TRPC4: variants seen among roughly 807,000 people sequenced by gnomAD.
TRPC4 encodes the protein transient receptor potential cation channel subfamily C member 4.
A neutral mutation model predicts 99.4 loss-of-function variants in TRPC4; 49 were observed. That is an observed-to-expected ratio of 0.49 (90% CI 0.39 to 0.63). The LOEUF is 0.63. Among genes scored for constraint, TRPC4 ranks in the 20% least tolerant of loss-of-function variants. TRPC4 has a pLI of 0.00. For synonymous variants in TRPC4, 454 were observed against 425.9 expected, an observed-to-expected ratio of 1.07 and a Z score of -0.81; for missense variants, 898 against 1,152.9, an observed-to-expected ratio of 0.78 and a Z score of 3.20.
At chr13:37,800,698 C>T (rs1303744266) in intron 1 of TRPC4, among the ~76,000 whole-genome samples, 2 of 151,722 alleles carry the variant, frequency 1.3e-5, no homozygotes, top group South Asian at 2.1e-4. Flanking sequence ...TGCATTTTTA[C>T]CAATCACCAA....
chr13:37,772,891 A>C (rs1593708089), intron 2 of TRPC4, among the ~76,000 whole-genome samples: 1 of 151,636 alleles, frequency 6.6e-6, no homozygotes, highest in African/African-American at 2.4e-5. Flanking sequence ...GCTTGACATT[A>C]AATCTCCTAC....
chr13:37,734,980 A>G (rs142360119), intron 3 of TRPC4, among the ~76,000 whole-genome samples: 12 of 152,236 alleles, frequency 7.9e-5, no homozygotes, highest in Admixed American at 2.6e-4. Flanking sequence ...GGTGTGAAAC[A>G]AAAACCACAG....
intron 3 of TRPC4, among the ~76,000 whole-genome samples, chr13:37,700,716 G>A (rs1234835902): frequency 6.6e-6 from 1 of 152,102 alleles, no homozygotes. Flanking sequence ...TGATATCACA[G>A]AATGGAGTTG....
At chr13:37,705,932 A>G (rs977023396) in intron 3 of TRPC4, among the ~76,000 whole-genome samples, 3 of 141,456 alleles carry the variant, frequency 2.1e-5, no homozygotes, top group African/African-American at 8.1e-5. Flanking sequence ...GGAATTAACC[A>G]TCTCCTGATT....
chr13:37,780,662 A>G (rs1956813898), intron 2 of TRPC4, among the ~76,000 whole-genome samples: 1 of 152,138 alleles, frequency 6.6e-6, no homozygotes, highest in South Asian at 2.1e-4. Flanking sequence ...GAAAATCACA[A>G]ATAAACAGCC....
chr13:37,763,042 A>C (rs2139248815), intron 2 of TRPC4, among the ~76,000 whole-genome samples: 1 of 151,658 alleles, frequency 6.6e-6, no homozygotes, highest in Middle Eastern at 3.4e-3. Flanking sequence ...CAAGGGTAAA[A>C]TTTGGCCTTG....
At chr13:37,764,034 A>ACAT (rs1312152475) in intron 2 of TRPC4, among the ~76,000 whole-genome samples, 1 of 151,690 alleles carries the variant, frequency 6.6e-6, no homozygotes, top group Non-Finnish European at 1.5e-5. Context: ...GAGGAGCATG[A>ACAT]CAGTAAATCT....
At chr13:37,700,576 G>A (rs368647946) in intron 3 of TRPC4, among the ~76,000 whole-genome samples, 18 of 152,276 alleles carry the variant, frequency 1.2e-4, no homozygotes, top group East Asian at 7.7e-4. Flanking sequence ...TGATATAAGC[G>A]CACTTTGCTT....
At chr13:37,795,386 A>T (rs1170542005) in intron 1 of TRPC4, among the ~76,000 whole-genome samples, 1 of 152,154 alleles carries the variant, frequency 6.6e-6, no homozygotes, top group Non-Finnish European at 1.5e-5. Flanking sequence ...AGAGGACATT[A>T]TGAGGTGGAG....
chr13:37,640,467 A>G (rs2031273), intron 8 of TRPC4, among the ~76,000 whole-genome samples: 151,096 of 152,276 alleles, frequency 0.99, 74,973 homozygotes, highest in Middle Eastern at 1. Context: ...TGACTTGTAG[A>G]AACAGATGAG....
In TRPC4 at chr13:37,674,320, C is replaced by T; in HGVS notation, c.1282G>A (p.Asp428Asn). The T allele has an allele frequency of 6.2e-7, 1 of 1,608,278 alleles. No homozygotes were observed. Among genetic ancestry groups the T allele is most frequent in the Non-Finnish European group, 8.5e-7 (1 of 1,178,430 alleles). ...IKQMWDGGLQ[D>N]YIHDWWNLMD... ...AGATTCCACCAATCATGGATGTAGT[C>T]CTGAAGTCCGCCATCCCACATCTGT... The change falls in exon 5 of 11, where the codon GAC becomes AAC. Residue 428 changes from aspartate to asparagine, a missense_variant. Transcript: ENST00000379705.
At chr13:37,744,468 CA>C (rs1413411517) in intron 3 of TRPC4, among the ~76,000 whole-genome samples, 1 of 152,116 alleles carries the variant, frequency 6.6e-6, no homozygotes, top group African/African-American at 2.4e-5. Context: ...GGAATGGACA[CA>C]AAAGAAGCTG....
intron 6 of TRPC4, among the ~76,000 whole-genome samples, chr13:37,659,496 A>T (rs1312472312): frequency 6.6e-6 from 1 of 152,200 alleles, no homozygotes; most frequent in Non-Finnish European, 1.5e-5. Context: ...CATTGCAACA[A>T]AAATGGACTA....
In TRPC4 at chr13:37,662,648, C is replaced by T. The variant is rs371612627; in HGVS notation, c.1688+768G>A. Reference sequence around the variant, plus strand: ...CCTACAAAATGACTGTGTCTTCAAACGTGGTTACTGTATGGAGGAAAATCA... The same window carrying T: ...CCTACAAAATGACTGTGTCTTCAAATGTGGTTACTGTATGGAGGAAAATCA... On this transcript the variant is annotated intron_variant, in intron 6 of 10. Transcript: ENST00000379705. 1.7e-4 allele frequency among the ~76,000 whole-genome samples: 26 copies of T among 152,230 alleles called. No homozygotes were observed. In the East Asian group the frequency reaches 4.5e-3, roughly 26 times the overall value.
At chr13:37,701,541 G>A (rs759672338) in intron 3 of TRPC4, among the ~76,000 whole-genome samples, 1 of 151,762 alleles carries the variant, frequency 6.6e-6, no homozygotes, top group Non-Finnish European at 1.5e-5. Flanking sequence ...CTTGCCACAC[G>A]TGCAAGTGTT....
At chr13:37,669,708 T>C (rs1952770215) in intron 5 of TRPC4, among the ~76,000 whole-genome samples, 1 of 152,330 alleles carries the variant, frequency 6.6e-6, no homozygotes, top group African/African-American at 2.4e-5. Flanking sequence ...ATTGTTATTA[T>C]TGTTTTACAG....
Position 37,810,703 on chromosome 13 carries a change from CT to C in TRPC4, c.-27-27344del, listed in dbSNP as rs147530651. 8.2e-3 allele frequency among the ~76,000 whole-genome samples: 1,244 copies of C among 152,144 alleles called. 26 individuals carry two copies. The East Asian group carries it at 0.1, about 12-fold the overall frequency. Reference sequence around the variant, plus strand: ...TCATACAAATGAATTAAACTTTATACTTTTGATTTGTGGGATGCTCTTTGGT... The same window carrying C: ...TCATACAAATGAATTAAACTTTATACTTTGATTTGTGGGATGCTCTTTGGT... On this transcript the variant is annotated intron_variant, in intron 1 of 10. Transcript: ENST00000379705.
At chr13:37,790,021 A>T (rs764222757) in intron 1 of TRPC4, among the ~76,000 whole-genome samples, 3 of 152,160 alleles carry the variant, frequency 2.0e-5, no homozygotes, top group Non-Finnish European at 4.4e-5. Flanking sequence ...AAAAAGGGAT[A>T]GGAGAAAAAC....
intron 3 of TRPC4, among the ~76,000 whole-genome samples, chr13:37,696,842 T>C (rs981062246): frequency 1.3e-5 from 2 of 152,092 alleles, no homozygotes; most frequent in Non-Finnish European, 2.9e-5. Context: ...TTTTATAATG[T>C]CGATAGCAGG....
Sources: gnomAD v4.1 joint callset for allele counts (sites outside exome capture counted in the v4.1 genomes callset) on GRCh38, gnomAD v4.1.1 for gene constraint, MANE v1.5 for transcripts, NCBI Gene and HGNC (gene_info 2026-07-23, HGNC 2026-07-21) for gene names.